The following FOXJ3 variants were observed in gnomAD, a reference collection of about 807,000 sequenced individuals.
The protein encoded by FOXJ3 is forkhead box J3.
Under a neutral mutation model 76.1 loss-of-function variants are expected in FOXJ3, and 22 were observed. That is an observed-to-expected ratio of 0.29 (90% CI 0.21 to 0.41). FOXJ3 has a LOEUF of 0.41. FOXJ3 is among the 10% of genes least tolerant of loss of function. FOXJ3 has a pLI of 1.00. For synonymous variants in FOXJ3, 269 were observed against 261.2 expected, an observed-to-expected ratio of 1.03 and a Z score of -0.29; for missense variants, 613 against 762.1, an observed-to-expected ratio of 0.80 and a Z score of 2.30.
chr1:42,250,572 C>T lies in FOXJ3; in HGVS notation c.444+14543G>A, dbSNP rs189591774. On this transcript the variant is annotated intron_variant, in intron 4 of 12. Coordinates refer to ENST00000361346, the MANE Select transcript of FOXJ3 (RefSeq NM_014947.5). ...ATTAAAAAGTCCAGTAGGCCGGGCA[C>T]GTGGGAGGCTGAGGTGGGCAGATCA... 4.6e-5 allele frequency among the ~76,000 whole-genome samples: 7 copies of T among 152,030 alleles called. No homozygotes were observed. The East Asian group carries it at 7.7e-4, about 17-fold the overall frequency.
At chr1:42,225,812 T>A (rs1293163893) in intron 5 of FOXJ3, among the ~76,000 whole-genome samples, 1 of 152,150 alleles carries the variant, frequency 6.6e-6, no homozygotes, top group Non-Finnish European at 1.5e-5. Flanking sequence ...ATCCTGTATT[T>A]CTTTAGGCCT....
chr1:42,280,178 T>A (rs1175559174), intron 2 of FOXJ3: 1 of 276,396 alleles, frequency 3.6e-6, no homozygotes, highest in Admixed American at 6.5e-5. Flanking sequence ...TAAGTGCTAG[T>A]TAATAATATT....
At chr1:42,222,244 C>T (rs928060986) in intron 5 of FOXJ3, among the ~76,000 whole-genome samples, 1 of 151,844 alleles carries the variant, frequency 6.6e-6, no homozygotes, top group Admixed American at 6.6e-5. Context: ...CACTAATCTG[C>T]CCTATTTCAG....
intron 11 of FOXJ3, among the ~76,000 whole-genome samples, chr1:42,187,814 A>G (rs1228911837): frequency 1.3e-5 from 2 of 152,248 alleles, no homozygotes; most frequent in African/African-American, 4.8e-5. Context: ...CACCAGAATC[A>G]AATAGTGACT....
rs761771187 is a variant in FOXJ3 at position 42,265,109 on chromosome 1, T to C, written c.444+6A>G. 3 of 1,534,730 alleles carry C rather than the reference T, an allele frequency of 2.0e-6. No homozygotes were observed. The highest frequency in any genetic ancestry group is 3.4e-4 in the Middle Eastern group (2 of 5,916). ...AATTCAACTGTTTTAAGAAGATGAA[T>C]CCTACCTTTCCAGGGTCATCCTTAG... On this transcript the variant is annotated splice_donor_region_variant and intron_variant, in intron 4 of 12. Coordinates refer to ENST00000361346, the MANE Select transcript of FOXJ3 (RefSeq NM_014947.5).
chr1:42,186,520 A>G (rs1646439604), intron 11 of FOXJ3, among the ~76,000 whole-genome samples: 1 of 152,170 alleles, frequency 6.6e-6, no homozygotes, highest in African/African-American at 2.4e-5. Flanking sequence ...GCCCTAACAA[A>G]AGAGATGACA....
chr1:42,222,058 A>G lies in FOXJ3; in HGVS notation c.528+5825T>C, dbSNP rs575273494. 4.5e-3 allele frequency among the ~76,000 whole-genome samples: 475 copies of G among 105,686 alleles called. 7 individuals carry two copies. Among genetic ancestry groups the G allele is most frequent in the Non-Finnish European group, 5.8e-3 (308 of 53,116 alleles). The allele number at this position is 105,686 out of a possible 152,430, so 69.3% of individuals were successfully genotyped here. On this transcript the variant is annotated intron_variant, in intron 5 of 12. Coordinates refer to ENST00000361346, the MANE Select transcript of FOXJ3 (RefSeq NM_014947.5). Reference sequence around the variant, plus strand: ...GGAGAAGGAGAAGGAGAAGAAGAAGAAGAAGAAGAAGAAGAAGAAGAAGAA... The same window carrying G: ...GGAGAAGGAGAAGGAGAAGAAGAAGGAGAAGAAGAAGAAGAAGAAGAAGAA...
At chr1:42,191,807 A>T in intron 8 of FOXJ3, 88 bp from the exon 9 acceptor site, 1 of 1,405,204 alleles carries the variant, frequency 7.1e-7, no homozygotes, top group Non-Finnish European at 9.8e-7. Context: ...ACAAAAGCAT[A>T]TGATGCCAGG....
rs1010243700 is a variant in FOXJ3 at position 42,335,160 on chromosome 1, G to C, written c.-119C>G. 6.6e-6 allele frequency: 1 copy of C among 152,130 alleles called. No homozygotes were observed. Among genetic ancestry groups the C allele is most frequent in the Non-Finnish European group, 1.5e-5 (1 of 68,060 alleles). 9.4% of individuals were successfully genotyped at this position (152,130 alleles called of 1,614,324 possible). A position where few individuals can be genotyped will look rare whatever the true frequency, so the allele number is the denominator to read the frequency against. Reference sequence around the variant, plus strand: ...CCAACGGTGCCTACTGCGAGCGGTCGAGGCCCCGAGCAGCCCCGAGAGCGG... The same window carrying C: ...CCAACGGTGCCTACTGCGAGCGGTCCAGGCCCCGAGCAGCCCCGAGAGCGG... On this transcript the variant is annotated 5_prime_UTR_variant, in exon 1 of 13. Transcript: ENST00000361346.
chr1:42,278,732 T>G (rs180759852), intron 2 of FOXJ3, 60 bp from the exon 3 acceptor site: 1 of 1,229,114 alleles, frequency 8.1e-7, no homozygotes, highest in Non-Finnish European at 1.2e-6. Flanking sequence ...TCTCAAAATA[T>G]CCAATATTCA....
chr1:42,272,012 T>C (rs1651900697), intron 3 of FOXJ3, among the ~76,000 whole-genome samples: 1 of 152,226 alleles, frequency 6.6e-6, no homozygotes, highest in South Asian at 2.1e-4. Flanking sequence ...TTATGGAATA[T>C]CCAAAGAGGT....
chr1:42,221,565 C>T (rs544397253), intron 5 of FOXJ3, among the ~76,000 whole-genome samples: 71 of 152,152 alleles, frequency 4.7e-4, no homozygotes, highest in African/African-American at 1.5e-3. Flanking sequence ...ACGCAATCCT[C>T]TGGCCTCAGC....
rs1174621561 is a variant in FOXJ3 at position 42,188,782 on chromosome 1, G to A, written c.1600C>T (p.His534Tyr). The A allele has an allele frequency of 6.2e-7, 1 of 1,611,338 alleles. No homozygotes were observed. Among genetic ancestry groups the A allele is most frequent in the Admixed American group, 1.7e-5 (1 of 59,652 alleles). Residue 534 changes from histidine to tyrosine, a missense_variant, in exon 11 of 13, where the codon CAT becomes TAT. Transcript: ENST00000361346. Reference sequence around the variant, plus strand: ...GGTTTTGTTGGATGCATGGCACCATGACAAACATTTTGTTGAACATTACTC... The same window carrying A: ...GGTTTTGTTGGATGCATGGCACCATAACAAACATTTTGTTGAACATTACTC... The part of the protein sequence containing the change: ...SQSNVQQNVC[H>Y]GAMHPTKPSQ...
chr1:42,260,524 G>A (rs1204730636), intron 4 of FOXJ3, among the ~76,000 whole-genome samples: 1 of 152,048 alleles, frequency 6.6e-6, no homozygotes, highest in Non-Finnish European at 1.5e-5. Flanking sequence ...AACATAGTGA[G>A]AACTCCATCT....
rs1205068701 is a variant in FOXJ3 at position 42,283,919 on chromosome 1, C to T, written c.45-5247G>A. ...GGTATTGCACCTTTTGCCCTGCCTG[C>T]CCTCTGGAATGCGGACAGAATTAAC... On this transcript the variant is annotated intron_variant, in intron 2 of 12. Transcript: ENST00000361346. 2.0e-5 allele frequency among the ~76,000 whole-genome samples: 3 copies of T among 152,150 alleles called. No individual in the cohort carries two copies. The South Asian group carries it at 6.2e-4, about 32-fold the overall frequency.
intron 6 of FOXJ3, among the ~76,000 whole-genome samples, chr1:42,202,137 T>C (rs1255124823): frequency 6.6e-6 from 1 of 152,214 alleles, no homozygotes; most frequent in Non-Finnish European, 1.5e-5. Context: ...AAGCTTTTTA[T>C]TGCTGTATTT....
chr1:42,227,775 T>A, intron 5 of FOXJ3, 108 bp downstream of exon 5: 1 of 520,470 alleles, frequency 1.9e-6, no homozygotes, highest in Non-Finnish European at 3.4e-6. Flanking sequence ...ACAAATAAAA[T>A]CTTACCATCA....
At chr1:42,219,038 C>G (rs901740392) in intron 5 of FOXJ3, among the ~76,000 whole-genome samples, 1 of 152,226 alleles carries the variant, frequency 6.6e-6, no homozygotes, top group Non-Finnish European at 1.5e-5. Context: ...AACTTTAAAA[C>G]TAGGTCTCCA....
chr1:42,233,197 C>T (rs1326645744), intron 4 of FOXJ3, among the ~76,000 whole-genome samples: 1 of 73,822 alleles, frequency 1.4e-5, no homozygotes, highest in Non-Finnish European at 3.0e-5. Context: ...GTTACTGTAG[C>T]CTTGTAGTAT....
Sources: allele counts gnomAD v4.1 joint callset (sites outside exome capture counted in the v4.1 genomes callset), GRCh38; gene constraint gnomAD v4.1.1; transcripts MANE v1.5; gene names NCBI Gene and HGNC (gene_info 2026-07-23, HGNC 2026-07-21).